Variants in TENM4 observed in about 807,000 individuals in gnomAD.
TENM4 encodes teneurin-4.
In TENM4, 82 loss-of-function variants were observed where a neutral mutation model predicts 243.3. The observed-to-expected ratio is 0.34, with a 90% CI of 0.28 to 0.40. The LOEUF is 0.40. TENM4 is among the 10% of genes least tolerant of loss of function. The pLI is 1.00. For missense variants in TENM4, 3,138 were observed against 3,673.3 expected (o/e 0.85, Z 3.77); for synonymous variants, 1,412 against 1,456.3 (o/e 0.97, Z 0.69).
At position 79,440,153 on chromosome 11, in the gene TENM4, C is replaced by A. The variant is rs1019991436; in HGVS notation, c.-321+356G>T. On this transcript the variant is annotated intron_variant, in intron 1 of 33. Transcript: ENST00000278550. This position sits in a 1 kb window ranked among gnomAD's most constrained non-coding sequence, Gnocchi z 4.7. ...GCAGAGGGGCTGCAGGCGACCGGGC[C>A]GGGGCGGGGAACGGGATCCGGGAGA... 1.6e-4 allele frequency among the ~76,000 whole-genome samples: 25 copies of A among 152,052 alleles called. No homozygotes were observed. The highest frequency in any genetic ancestry group is 6.0e-4 in the African/African-American group (25 of 41,428).
chr11:79,039,451 G>A (rs1189178922), intron 6 of TENM4, among the ~76,000 whole-genome samples: 1 of 152,158 alleles, frequency 6.6e-6, no homozygotes, highest in Non-Finnish European at 1.5e-5. Context: ...AGGCTCTGTG[G>A]GCAAGAAGAT....
chr11:79,145,185 G>C (rs72935331), intron 4 of TENM4, among the ~76,000 whole-genome samples: 8,394 of 152,078 alleles, frequency 0.055, 333 homozygotes, highest in Non-Finnish European at 0.078. Context: ...AATGATGTTT[G>C]TCCTTATGAC....
At chr11:78,977,062 C>G (rs1374844752) in intron 6 of TENM4, among the ~76,000 whole-genome samples, 1 of 152,254 alleles carries the variant, frequency 6.6e-6, no homozygotes, top group East Asian at 1.9e-4. Context: ...GGGCCATGCT[C>G]TCTCTGAACC....
chr11:79,385,103 G>A (rs1311287704), intron 1 of TENM4, among the ~76,000 whole-genome samples: 1 of 152,250 alleles, frequency 6.6e-6, no homozygotes, highest in African/African-American at 2.4e-5. Flanking sequence ...GAGAAAGAAA[G>A]GCTAGTTCCA....
chr11:79,159,611 G>C (rs141984950), intron 3 of TENM4, among the ~76,000 whole-genome samples: 1 of 151,854 alleles, frequency 6.6e-6, no homozygotes, highest in Non-Finnish European at 1.5e-5. Flanking sequence ...AGCTTTGCCC[G>C]CCCTCCTGGC....
intron 1 of TENM4, among the ~76,000 whole-genome samples, chr11:79,303,276 G>C (rs1856578081): frequency 6.6e-6 from 1 of 152,142 alleles, no homozygotes; most frequent in African/African-American, 2.4e-5. Flanking sequence ...TCAGAGTTTG[G>C]GTTTTACCCC....
At chr11:79,297,577 T>C (rs1856476616) in intron 1 of TENM4, 34 bp from the exon 2 acceptor site, 1 of 152,632 alleles carries the variant, frequency 6.6e-6, no homozygotes, top group Admixed American at 6.5e-5. Flanking sequence ...AATTAATGCC[T>C]TGAGATCGCT....
At position 78,669,328 on chromosome 11, in the gene TENM4, G is replaced by A. The variant is rs757369678; in HGVS notation, c.7017C>T (p.Tyr2339=). ...TGGCAAAGAGGTGTCCTTGCAAGTC[G>A]TAGTAGAGGGAGGTGATCTCAGAGC... ...HSSSEITSLY[Y]DLQGHLFAME... Residue 2339 remains tyrosine, a synonymous_variant, in exon 32 of 34, where the codon TAC becomes TAT. Coordinates refer to ENST00000278550, the MANE Select transcript of TENM4 (RefSeq NM_001098816.3). This position sits in a 1 kb window ranked among gnomAD's most constrained non-coding sequence, Gnocchi z 6.4. The A allele has an allele frequency of 2.1e-5, 34 of 1,613,734 alleles. No individual in the cohort carries two copies. The highest frequency in any genetic ancestry group is 9.9e-5 in the South Asian group (9 of 91,046).
At chr11:78,999,234 C>T (rs1480744986) in intron 6 of TENM4, among the ~76,000 whole-genome samples, 1 of 152,202 alleles carries the variant, frequency 6.6e-6, no homozygotes, top group Non-Finnish European at 1.5e-5. Context: ...AAACAATGGG[C>T]TGGGCGGGGT....
chr11:78,899,239 G>C (rs1239533700), intron 7 of TENM4, among the ~76,000 whole-genome samples: 1 of 152,084 alleles, frequency 6.6e-6, no homozygotes, highest in Admixed American at 6.5e-5. Context: ...TATTTGGAGA[G>C]GCCCTTAGAG....
At chr11:79,371,879 T>A (rs140417978) in intron 1 of TENM4, among the ~76,000 whole-genome samples, 2 of 152,184 alleles carry the variant, frequency 1.3e-5, no homozygotes, top group African/African-American at 4.8e-5. Context: ...CTACCTTTTA[T>A]CCTGATGATT....
chr11:79,088,728 T>G (rs540020838), intron 4 of TENM4, among the ~76,000 whole-genome samples: 1 of 152,192 alleles, frequency 6.6e-6, no homozygotes, highest in African/African-American at 2.4e-5. Context: ...TTCACACTAT[T>G]GCATTAAGAC....
intron 6 of TENM4, among the ~76,000 whole-genome samples, chr11:78,935,219 G>T (rs1320456446): frequency 1.3e-5 from 2 of 151,380 alleles, no homozygotes; most frequent in Non-Finnish European, 2.9e-5. Context: ...CACCTTGTTA[G>T]CCAGGATGGT....
chr11:78,673,047 G>A (rs1005278382), intron 30 of TENM4, among the ~76,000 whole-genome samples: 2 of 151,826 alleles, frequency 1.3e-5, no homozygotes, highest in Non-Finnish European at 2.9e-5. Flanking sequence ...CCTGTGGGCC[G>A]AATGGGGACA....
intron 6 of TENM4, among the ~76,000 whole-genome samples, chr11:79,059,424 G>C (rs1356475706): frequency 6.6e-6 from 1 of 152,092 alleles, no homozygotes; most frequent in Admixed American, 6.5e-5. Flanking sequence ...AGGGCAAAAT[G>C]AACTGCTCCT....
At chr11:79,435,247 T>G (rs1464926330) in intron 1 of TENM4, among the ~76,000 whole-genome samples, 1 of 152,102 alleles carries the variant, frequency 6.6e-6, no homozygotes, top group Non-Finnish European at 1.5e-5. Context: ...AAAAAAAAAG[T>G]AATAAATATA....
At position 78,904,359 on chromosome 11, in the gene TENM4, C is replaced by CAA. The variant is rs61503457; in HGVS notation, c.494-838_494-837dup. Among the ~76,000 whole-genome samples the CAA allele has an allele frequency of 5.1e-3, 392 of 77,250 alleles. 10 individuals are homozygous for CAA. The highest frequency in any genetic ancestry group is 8.6e-3 in the Admixed American group (64 of 7,432). The allele number at this position is 77,250 out of a possible 152,430, so 50.7% of individuals were successfully genotyped here. On this transcript the variant is annotated intron_variant, in intron 6 of 33. Transcript: ENST00000278550. ...TGAGCTACAGAGCAAGACTCTGTCT[C>CAA]AAAAAAAAAAAAAAAAGTAAAACAT...
intron 19 of TENM4, among the ~76,000 whole-genome samples, chr11:78,745,364 T>A (rs566410553): frequency 6.6e-6 from 1 of 152,050 alleles, no homozygotes; most frequent in South Asian, 2.1e-4. Context: ...GTAGCTGGGA[T>A]TAAAGGTGTG....
chr11:79,062,527 A>G (rs961094865), intron 6 of TENM4, among the ~76,000 whole-genome samples: 4 of 152,316 alleles, frequency 2.6e-5, no homozygotes, highest in East Asian at 1.9e-4. Context: ...GCACATTAAC[A>G]TCTTAAAAAC....
Sources: allele counts gnomAD v4.1 joint callset (sites outside exome capture counted in the v4.1 genomes callset), GRCh38; gene constraint gnomAD v4.1.1; non-coding constraint Gnocchi (gnomAD v3.1); transcripts MANE v1.5; gene names NCBI Gene and HGNC (gene_info 2026-07-23, HGNC 2026-07-21).